The following RALGPS1 variants were observed in gnomAD, a reference collection of about 807,000 sequenced individuals.
The protein encoded by RALGPS1 is ras-specific guanine nucleotide-releasing factor RalGPS1.
RALGPS1 carries 19 observed loss-of-function variants against 78.8 expected under a neutral mutation model. The ratio of observed to expected loss-of-function variants is 0.24; its 90% CI spans 0.17 to 0.35. RALGPS1 has a LOEUF of 0.35. Ranked by LOEUF, RALGPS1 falls within the 10% of genes least tolerant of loss-of-function variation. The pLI, the probability that RALGPS1 is intolerant of heterozygous loss-of-function variation, is 1.00. For missense variants in RALGPS1, 454 were observed against 688.3 expected (o/e 0.66, Z 3.81); for synonymous variants, 228 against 256.3 (o/e 0.89, Z 1.06).
rs1381631895 is a variant in RALGPS1, at chr9:126,967,012, C to A, written c.165+1061C>A. On this transcript the variant is annotated intron_variant, in intron 3 of 18. Coordinates refer to ENST00000259351, the MANE Select transcript of RALGPS1 (RefSeq NM_014636.3). ...CCAGAACCCTGAAAGTGTTTCTAAC[C>A]CATACCCACGTCTCCTCTACCCTCT... 2.6e-5 allele frequency among the ~76,000 whole-genome samples: 4 copies of A among 152,128 alleles called. No individual in the cohort carries two copies. In the East Asian group the frequency reaches 7.7e-4, roughly 29 times the overall value.
At chr9:126,954,711 A>C (rs2038183009) in intron 1 of RALGPS1, among the ~76,000 whole-genome samples, 1 of 152,172 alleles carries the variant, frequency 6.6e-6, no homozygotes, top group South Asian at 2.1e-4. Context: ...CTGAGGCAGG[A>C]GAATTGTTTG....
intron 8 of RALGPS1, among the ~76,000 whole-genome samples, chr9:127,136,206 T>C (rs1037748662): frequency 4.6e-5 from 7 of 152,262 alleles, no homozygotes; most frequent in African/African-American, 1.7e-4. Flanking sequence ...GCACACTCTC[T>C]GAGAGAAGTG....
At chr9:127,215,566 G>T (rs764353307) in intron 18 of RALGPS1, among the ~76,000 whole-genome samples, 1 of 152,218 alleles carries the variant, frequency 6.6e-6, no homozygotes, top group South Asian at 2.1e-4. Flanking sequence ...ACATTAGTGA[G>T]CAGTGGAGCT....
intron 7 of RALGPS1, among the ~76,000 whole-genome samples, chr9:127,065,798 T>C (rs1166526043): frequency 6.6e-6 from 1 of 152,192 alleles, no homozygotes. Context: ...CTGGATTGGA[T>C]CCACAATTTC....
chr9:126,973,489 A>G (rs957914832), intron 3 of RALGPS1, among the ~76,000 whole-genome samples: 1 of 152,208 alleles, frequency 6.6e-6, no homozygotes, highest in African/African-American at 2.4e-5. Flanking sequence ...TTATTTAAAA[A>G]ACTTGAAGAA....
At chr9:127,194,086 C>G (rs1352021754) in intron 11 of RALGPS1, among the ~76,000 whole-genome samples, 1 of 152,164 alleles carries the variant, frequency 6.6e-6, no homozygotes, top group South Asian at 2.1e-4. Flanking sequence ...ACCTGTTAGC[C>G]CCATGACTGG....
At chr9:127,094,892 C>G (rs572976961) in intron 8 of RALGPS1, among the ~76,000 whole-genome samples, 8 of 152,308 alleles carry the variant, frequency 5.3e-5, no homozygotes, top group African/African-American at 1.9e-4. Flanking sequence ...GCCCTCCCCA[C>G]CCCTGCCCAT....
chr9:127,195,382 G>A (rs887032628), intron 12 of RALGPS1, among the ~76,000 whole-genome samples, 165 bp downstream of exon 12: 3 of 152,362 alleles, frequency 2.0e-5, no homozygotes, highest in African/African-American at 7.2e-5. Flanking sequence ...CCTGAGGCTG[G>A]TGTGAGCTTG....
intron 8 of RALGPS1, among the ~76,000 whole-genome samples, chr9:127,124,994 C>T (rs1165859928): frequency 6.6e-6 from 1 of 152,126 alleles, no homozygotes; most frequent in Admixed American, 6.5e-5. Flanking sequence ...CGTCTTTGCA[C>T]ACCTCCCGCC....
intron 4 of RALGPS1, among the ~76,000 whole-genome samples, chr9:126,991,254 G>A (rs1374682213): frequency 6.6e-6 from 1 of 152,174 alleles, no homozygotes; most frequent in Non-Finnish European, 1.5e-5. Context: ...GTAGGGGCTG[G>A]AGTTCCTCTC....
chr9:127,143,949 A>T (rs2057943613), intron 8 of RALGPS1, among the ~76,000 whole-genome samples: 1 of 152,098 alleles, frequency 6.6e-6, no homozygotes, highest in Non-Finnish European at 1.5e-5. Context: ...GCACCTGGGG[A>T]GTTGGCCACA....
chr9:127,179,468 G>A (rs942018113), intron 11 of RALGPS1, among the ~76,000 whole-genome samples: 5 of 152,188 alleles, frequency 3.3e-5, no homozygotes, highest in Non-Finnish European at 7.4e-5. Flanking sequence ...TTGCAGTCCC[G>A]GGAATGGGAG....
intron 11 of RALGPS1, among the ~76,000 whole-genome samples, chr9:127,189,081 C>T (rs1327847123): frequency 6.7e-6 from 1 of 149,790 alleles, no homozygotes; most frequent in Non-Finnish European, 1.5e-5. Flanking sequence ...CAGGGACACA[C>T]TGGGTGTCAG....
chr9:126,925,448 CT>C (rs2035175796), intron 1 of RALGPS1, among the ~76,000 whole-genome samples: 1 of 151,288 alleles, frequency 6.6e-6, no homozygotes, highest in South Asian at 2.1e-4. Context: ...CTTGGGAGGC[CT>C]AGGCAGGAGA....
chr9:127,116,124 G>C (rs2055387582), intron 8 of RALGPS1, among the ~76,000 whole-genome samples: 1 of 152,184 alleles, frequency 6.6e-6, no homozygotes, highest in Non-Finnish European at 1.5e-5. Flanking sequence ...ATTGTGCATT[G>C]CTACTACCTG....
chr9:126,976,413 C>A (rs974822954), intron 3 of RALGPS1, among the ~76,000 whole-genome samples: 7 of 127,912 alleles, frequency 5.5e-5, no homozygotes, highest in African/African-American at 1.8e-4. Context: ...TCACACACAC[C>A]ATATACTCAC....
At chr9:127,028,254 A>G (rs2046126327) in intron 4 of RALGPS1, among the ~76,000 whole-genome samples, 1 of 152,254 alleles carries the variant, frequency 6.6e-6, no homozygotes, top group Non-Finnish European at 1.5e-5. Context: ...CTAGGCTGCA[A>G]GCCTGCCGGA....
Position 126,968,089 on chromosome 9 carries a change from G to A in RALGPS1, c.165+2138G>A, listed in dbSNP as rs577848581. 5.5e-5 allele frequency among the ~76,000 whole-genome samples: 8 copies of A among 146,228 alleles called. No homozygotes were observed. In the South Asian group the frequency reaches 1.7e-3, roughly 32 times the overall value. On this transcript the variant is annotated intron_variant, in intron 3 of 18. Coordinates refer to ENST00000259351, the MANE Select transcript of RALGPS1 (RefSeq NM_014636.3). ...AGGATCTTGGCTCACTGAAACTTCC[G>A]CCTCCCAGGTTCAAGTAATTCTCCT...
chr9:126,976,368 TACAC>T (rs201587023), intron 3 of RALGPS1, among the ~76,000 whole-genome samples: 2,168 of 149,524 alleles, frequency 0.014, 46 homozygotes, highest in East Asian at 0.089. Context: ...CCCTCACACA[TACAC>T]ACACTTATAC....
Sources: gnomAD v4.1 joint callset for allele counts (sites outside exome capture counted in the v4.1 genomes callset) on GRCh38, gnomAD v4.1.1 for gene constraint, MANE v1.5 for transcripts, NCBI Gene and HGNC (gene_info 2026-07-23, HGNC 2026-07-21) for gene names.